HDAC8: variants seen among roughly 807,000 people sequenced by gnomAD.
The protein encoded by HDAC8 is histone deacetylase 8, also known as histone deacetylase-like 1.
A neutral mutation model predicts 32.2 loss-of-function variants in HDAC8; 1 was observed. The observed-to-expected ratio is 0.03, with a 90% CI of 0.01 to 0.15. The LOEUF (loss-of-function observed/expected upper bound fraction) is 0.15. HDAC8 is among the 10% of genes least tolerant of loss of function. HDAC8 has a pLI of 1.00. For synonymous variants in HDAC8, 108 were observed against 113.9 expected, an observed-to-expected ratio of 0.95 and a Z score of 0.33; for missense variants, 117 against 300.0, an observed-to-expected ratio of 0.39 and a Z score of 4.51.
chrX:72,359,527 C>T (rs782348145), intron 9 of HDAC8, among the ~76,000 whole-genome samples: 1 of 110,294 alleles, frequency 9.1e-6, no homozygotes, highest in African/African-American at 3.3e-5. Context: ...TGTTAGTGGG[C>T]TAATGTTGGA....
intron 9 of HDAC8, among the ~76,000 whole-genome samples, chrX:72,430,660 T>C (rs2046787485): frequency 8.9e-6 from 1 of 112,065 alleles, no homozygotes; most frequent in African/African-American, 3.2e-5. Context: ...TTTCTTTGTG[T>C]CCCTTGTGCT....
chrX:72,411,332 C>A (rs1479665377), intron 9 of HDAC8, among the ~76,000 whole-genome samples: 1 of 111,795 alleles, frequency 8.9e-6, no homozygotes, highest in Non-Finnish European at 1.9e-5. Flanking sequence ...CTGCTCTTTC[C>A]CACCTTTTCA....
intron 9 of HDAC8, among the ~76,000 whole-genome samples, chrX:72,377,368 T>C (rs1672932084): frequency 8.9e-6 from 1 of 112,507 alleles, no homozygotes; most frequent in Non-Finnish European, 1.9e-5. Flanking sequence ...TGTTCTGTCC[T>C]AGAAAATGTT....
At chrX:72,355,772 G>T (rs981644091) in intron 9 of HDAC8, among the ~76,000 whole-genome samples, 2 of 111,648 alleles carry the variant, frequency 1.8e-5, no homozygotes, top group Admixed American at 9.5e-5. Flanking sequence ...AAGCCCTAAG[G>T]TTGCTGTTAT....
chrX:72,459,316 C>T (rs2047805493), intron 9 of HDAC8, among the ~76,000 whole-genome samples: 1 of 111,144 alleles, frequency 9.0e-6, no homozygotes, highest in Non-Finnish European at 1.9e-5. Flanking sequence ...GAAGGAAGAG[C>T]TCAAAGGGGA....
At chrX:72,423,456 T>A (rs782680831) in intron 9 of HDAC8, among the ~76,000 whole-genome samples, 4 of 112,015 alleles carry the variant, frequency 3.6e-5, no homozygotes, top group Non-Finnish European at 7.5e-5. Context: ...ATTTTTTATA[T>A]GCTCTACCAA....
At chrX:72,410,017 A>G (rs782225107) in intron 9 of HDAC8, among the ~76,000 whole-genome samples, 87 of 112,387 alleles carry the variant, frequency 7.7e-4, no homozygotes, top group Non-Finnish European at 1.4e-3. Flanking sequence ...ACAGAAGAAG[A>G]CAGAATTTTA....
intron 4 of HDAC8, among the ~76,000 whole-genome samples, chrX:72,559,124 C>T (rs1365359578): frequency 4.4e-5 from 4 of 91,748 alleles, no homozygotes; most frequent in Admixed American, 1.2e-4. Flanking sequence ...GATGCCGAGC[C>T]GAAGCTGGAC....
chrX:72,544,195 A>G (rs1556047509), intron 4 of HDAC8, among the ~76,000 whole-genome samples: 1 of 111,694 alleles, frequency 9.0e-6, no homozygotes. Flanking sequence ...CTTGATCGCT[A>G]AGAGCTCTCA....
intron 7 of HDAC8, chrX:72,474,022 G>GCTA: frequency 1.6e-6 from 1 of 622,404 alleles, no homozygotes; most frequent in Non-Finnish European, 1.9e-6. Flanking sequence ...CTTTGATCTT[G>GCTA]CTGTACCCTG....
chrX:72,400,861 A>G (rs1157122835), intron 9 of HDAC8, among the ~76,000 whole-genome samples: 6 of 112,072 alleles, frequency 5.4e-5, no homozygotes, highest in Non-Finnish European at 1.9e-5. Flanking sequence ...GGATTTGCCT[A>G]TTCTAGACAT....
chrX:72,377,075 T>G (rs1328787297), intron 9 of HDAC8: 1 of 111,443 alleles, frequency 9.0e-6, no homozygotes, highest in Non-Finnish European at 1.9e-5. Flanking sequence ...CAAAAATCCC[T>G]TTAATGTATT....
rs1556007550 is a variant in HDAC8, at chrX:72,489,019, A to G, written c.651T>C (p.Val217=). Residue 217 remains valine, a synonymous_variant, in exon 7 of 11, where the codon GTT becomes GTC. Coordinates refer to ENST00000373573, the MANE Select transcript of HDAC8 (RefSeq NM_018486.3). ...TGTAGTACCGTCCCTTCCCTAGGCC[A>G]ACATCAGACACGTCACCTGTTCCTA... ...FFPGTGDVSD[V]GLGKGRYYSV... 2 of 1,191,299 alleles carry G rather than the reference A, an allele frequency of 1.7e-6. No homozygotes were observed. The highest frequency in any genetic ancestry group is 2.3e-6 in the Non-Finnish European group (2 of 881,932).
chrX:72,370,606 G>GC (rs201800741), intron 9 of HDAC8, among the ~76,000 whole-genome samples: 2,535 of 111,981 alleles, frequency 0.023, 76 homozygotes, highest in African/African-American at 0.078. Context: ...TGATCCACCT[G>GC]CCTTGGGCTC....
intron 10 of HDAC8, among the ~76,000 whole-genome samples, chrX:72,341,588 T>C (rs2043889379): frequency 8.9e-6 from 1 of 111,796 alleles, no homozygotes; most frequent in African/African-American, 3.3e-5. Context: ...GGAAAGTGAC[T>C]GTCAGAACAG....
At chrX:72,559,115 A>G (rs1222793923) in intron 4 of HDAC8, among the ~76,000 whole-genome samples, 2 of 83,339 alleles carry the variant, frequency 2.4e-5, no homozygotes, top group Non-Finnish European at 4.6e-5. Flanking sequence ...TCTCCCTCTG[A>G]TGCCGAGCCG....
intron 7 of HDAC8, among the ~76,000 whole-genome samples, chrX:72,481,931 A>G (rs935970059): frequency 2.6e-4 from 29 of 111,129 alleles, no homozygotes; most frequent in Non-Finnish European, 1.5e-4. Context: ...CTAAAATTGA[A>G]TGATAACCTG....
At chrX:72,479,558 T>C (rs1277114998) in intron 7 of HDAC8, among the ~76,000 whole-genome samples, 1 of 111,854 alleles carries the variant, frequency 8.9e-6, no homozygotes, top group African/African-American at 3.3e-5. Flanking sequence ...TCAGTCAGCA[T>C]AACAAGAGAC....
At chrX:72,340,111 C>T (rs1054856478) in intron 10 of HDAC8, among the ~76,000 whole-genome samples, 49 of 111,792 alleles carry the variant, frequency 4.4e-4, no homozygotes, top group African/African-American at 1.4e-3. Flanking sequence ...CAAACAGAAC[C>T]GAAGCAATTT....
Sources: allele counts gnomAD v4.1 joint callset (sites outside exome capture counted in the v4.1 genomes callset), GRCh38; gene constraint gnomAD v4.1.1; transcripts MANE v1.5; gene names NCBI Gene and HGNC (gene_info 2026-07-23, HGNC 2026-07-21).